LY6H: variants seen among roughly 807,000 people sequenced by gnomAD.
The protein encoded by LY6H is lymphocyte antigen 6H.
A neutral mutation model predicts 14.6 loss-of-function variants in LY6H; 8 were observed. The ratio of observed to expected loss-of-function variants is 0.55; its 90% confidence interval spans 0.32 to 0.99. The LOEUF (loss-of-function observed/expected upper bound fraction) is 0.99, where lower values mean the gene tolerates loss of function less well. Ranked by LOEUF, LY6H falls within the 50% of genes least tolerant of loss-of-function variation. The pLI, the probability that LY6H is intolerant of heterozygous loss-of-function variation, is 0.04. For missense variants in LY6H, 196 were observed against 219.6 expected (o/e 0.89, Z 0.68); for synonymous variants, 115 against 97.2 (o/e 1.18, Z -1.08).
At chr8:143,160,123 C>T (rs1815563627) in intron 1 of LY6H, 75 bp downstream of exon 1, 1 of 1,213,070 alleles carries the variant, frequency 8.2e-7, no homozygotes, top group East Asian at 3.1e-5. Context: ...CCTCCCTTGG[C>T]CTTCCGCGCG....
intron 1 of LY6H, 97 bp downstream of exon 1, chr8:143,160,101 C>T (rs553493527): frequency 1.9e-6 from 2 of 1,077,566 alleles, no homozygotes; most frequent in East Asian, 3.2e-5. Flanking sequence ...CCGGGAACCC[C>T]GGGCCGAGTC....
At chr8:143,158,519 T>A in intron 3 of LY6H, 34 bp from the exon 4 acceptor site, 2 of 1,542,942 alleles carry the variant, frequency 1.3e-6, no homozygotes, top group Non-Finnish European at 1.8e-6. Context: ...GGACGGGGGC[T>A]CCTCCTGGGC....
At position 143,158,157 on chromosome 8, in the gene LY6H, G is replaced by A. The variant is rs1815493180; in HGVS notation, c.*93C>T. The A allele has an allele frequency of 6.9e-6, 6 of 866,988 alleles. No homozygotes were observed. The highest frequency in any genetic ancestry group is 1.1e-5 in the Non-Finnish European group (6 of 566,728). The allele number at this position is 866,988 out of a possible 1,614,324, so 53.7% of individuals were successfully genotyped here. The stretch of plus-strand genomic sequence containing the variant: ...GGCCACAGCCACGGAGCTGGGCCAA[G>A]GCTGCCCCCAGCCCCAGCCACGCCA... On this transcript the variant is annotated 3_prime_UTR_variant, in exon 4 of 4. Transcript: ENST00000342752.
At chr8:143,159,165 CACACACACAA>C in intron 2 of LY6H, 2 of 609,766 alleles carry the variant, frequency 3.3e-6, no homozygotes, top group Non-Finnish European at 5.9e-6. Context: ...TGCGTGCACA[CACACACACAA>C]ACACACACAC....
chr8:143,160,189 C>T lies in LY6H; in HGVS notation c.2+9G>A. 1.6e-6 allele frequency: 2 copies of T among 1,285,100 alleles called. No homozygotes were observed. The highest frequency in any genetic ancestry group is 2.0e-6 in the Non-Finnish European group (2 of 1,015,674). 79.6% of individuals were successfully genotyped at this position (1,285,100 alleles called of 1,614,324 possible). On this transcript the variant is annotated intron_variant, in intron 1 of 3. Transcript: ENST00000342752. The stretch of plus-strand genomic sequence containing the variant: ...GAGCGCGGGCCTCGGGGTCGGGGGG[C>T]TCACTCACATCCCGGGGGTGTCCGC...
intron 1 of LY6H, 84 bp downstream of exon 1, chr8:143,160,114 C>T (rs1815563405): frequency 6.0e-6 from 7 of 1,167,496 alleles, no homozygotes; most frequent in Non-Finnish European, 7.5e-6. Context: ...GCCGAGTCCC[C>T]TCCCTTGGCC....
chr8:143,158,516 G>T, intron 3 of LY6H, 31 bp from the exon 4 acceptor site: 2 of 1,556,880 alleles, frequency 1.3e-6, no homozygotes, highest in Non-Finnish European at 1.8e-6. Context: ...CTGGGACGGG[G>T]GCTCCTCCTG....
At chr8:143,159,514 ACCCGGCTCTCC>A (rs1381948765) in intron 2 of LY6H, 57 bp downstream of exon 2, 1 of 1,424,268 alleles carries the variant, frequency 7.0e-7, no homozygotes, top group Non-Finnish European at 9.1e-7. Flanking sequence ...GCAGCCCCAC[ACCCGGCTCTCC>A]CGCGGCGCCT....
chr8:143,160,157 G>A (rs1296189883), intron 1 of LY6H, 41 bp downstream of exon 1: 2 of 1,270,940 alleles, frequency 1.6e-6, no homozygotes, highest in Admixed American at 6.6e-5. Context: ...ACCGCGGATG[G>A]GGCGTGGAGC....
At chr8:143,159,300 G>A (rs911571885) in intron 2 of LY6H, 7 of 539,246 alleles carry the variant, frequency 1.3e-5, no homozygotes, top group South Asian at 1.0e-4. Context: ...GGATTTGAAA[G>A]GAGGCCCGGG....
chr8:143,158,352 C>T lies in LY6H; in HGVS notation c.384G>A (p.Lys128=), dbSNP rs1815501643. ...ILKVDVDCCE[K]DLCNGAAGAG... ...CCCCTGCCGCCCCATTGCACAAATC[C>T]TTCTCGCAGCAGTCCACGTCGACCT... The change falls in exon 4 of 4, where the codon AAG becomes AAA. Residue 128 remains lysine, a synonymous_variant. Coordinates refer to ENST00000342752, the MANE Select transcript of LY6H (RefSeq NM_001135655.2). 2 of 1,613,748 alleles carry T rather than the reference C, an allele frequency of 1.2e-6. No individual in the cohort carries two copies. Among genetic ancestry groups the T allele is most frequent in the African/African-American group, 1.3e-5 (1 of 74,886 alleles).
intron 3 of LY6H, 24 bp downstream of exon 3, chr8:143,158,779 C>G (rs1428363051): frequency 6.4e-7 from 1 of 1,563,472 alleles, no homozygotes; most frequent in African/African-American, 1.3e-5. Flanking sequence ...AGCACATTCC[C>G]CACCACCCTA....
Position 143,158,273 on chromosome 8 carries a change from C to G in LY6H, c.463G>C (p.Ala155Pro). The G allele has an allele frequency of 6.2e-7, 1 of 1,612,526 alleles. No homozygotes were observed. The highest frequency in any genetic ancestry group is 8.5e-7 in the Non-Finnish European group (1 of 1,179,168). Residue 155 changes from alanine (A) to proline (P), a missense_variant, in exon 4 of 4, where the codon GCC (alanine) becomes CCC (proline). By Grantham distance (27) the Ala-to-Pro change is conservative. Transcript: ENST00000342752. ...AGGLLLSLGP[A>P]LLWAGP ...CATCAGGGCCCAGCCCAGAGGAGGG[C>G]AGGCCCCAGGCTGAGCAGGAGCCCC... is the stretch of plus-strand genomic sequence containing the variant.
intron 2 of LY6H, 49 bp downstream of exon 2, chr8:143,159,533 C>T (rs1335991442): frequency 6.9e-7 from 1 of 1,452,522 alleles, no homozygotes; most frequent in Non-Finnish European, 9.0e-7. Context: ...TCCCGCGGCG[C>T]CTCGGGCTCT....
At chr8:143,158,607 C>CT in intron 3 of LY6H, 122 bp from the exon 4 acceptor site, 1 of 1,152,210 alleles carries the variant, frequency 8.7e-7, no homozygotes, top group Non-Finnish European at 1.2e-6. Flanking sequence ...GGCCGAGTCC[C>CT]TCCACCCTCC....
intron 1 of LY6H, 100 bp from the exon 2 acceptor site, chr8:143,159,809 C>A: frequency 4.0e-6 from 5 of 1,264,094 alleles, no homozygotes; most frequent in Non-Finnish European, 5.0e-6. Flanking sequence ...GGGGTCCGCC[C>A]GGAGCTCGCA....
chr8:143,158,303 C>G lies in LY6H; in HGVS notation c.433G>C (p.Ala145Pro). 6.2e-7 allele frequency: 1 copy of G among 1,613,466 alleles called. No homozygotes were observed. The highest frequency in any genetic ancestry group is 1.3e-5 in the African/African-American group (1 of 75,024). The change falls in exon 4 of 4, where the codon GCC becomes CCC. Residue 145 changes from alanine (A) to proline (P), a missense_variant. Coordinates refer to ENST00000342752, the MANE Select transcript of LY6H (RefSeq NM_001135655.2). ...CCCAGGCTGAGCAGGAGCCCCCCGGCCAGGGCCCAGGGGCTGTGCCCTGCC... is the reference window on the plus strand; with the variant it reads ...CCCAGGCTGAGCAGGAGCCCCCCGGGCAGGGCCCAGGGGCTGTGCCCTGCC... ...AGAGHSPWALAGGLLLSLGPA... is the reference protein window; with the variant it reads ...AGAGHSPWALPGGLLLSLGPA...
intron 3 of LY6H, 37 bp from the exon 4 acceptor site, chr8:143,158,522 T>C: frequency 2.6e-6 from 4 of 1,538,730 alleles, no homozygotes; most frequent in Non-Finnish European, 3.6e-6. Context: ...CGGGGGCTCC[T>C]CCTGGGCCCT....
chr8:143,159,436 TG>T, intron 2 of LY6H, 145 bp downstream of exon 2: 1 of 920,788 alleles, frequency 1.1e-6, no homozygotes, highest in Non-Finnish European at 1.5e-6. Context: ...AGGGCCGGGC[TG>T]GGGTCGCAGG....
Sources: allele counts gnomAD v4.1 joint callset, GRCh38; gene constraint gnomAD v4.1.1; transcripts MANE v1.5; gene names NCBI Gene and HGNC (gene_info 2026-07-23, HGNC 2026-07-21).